SMIM13: variants seen among roughly 807,000 people sequenced by gnomAD.
SMIM13 encodes small integral membrane protein 13, also known as UPF0766 protein C6orf228.
In SMIM13, 3 loss-of-function variants were observed where a neutral mutation model predicts 5.9. The observed-to-expected ratio is 0.51, with a 90% confidence interval of 0.23 to 1.31. The LOEUF is 1.31. Among genes scored for constraint, SMIM13 ranks in the 40% most tolerant of loss-of-function variants. The pLI is 0.18. For synonymous variants in SMIM13, 55 were observed against 46.0 expected (o/e 1.19, Z -0.79); for missense variants, 85 against 109.9 (o/e 0.77, Z 1.01).
chr6:11,109,185 A>G (rs1758134375), intron 1 of SMIM13, among the ~76,000 whole-genome samples: 1 of 152,230 alleles, frequency 6.6e-6, no homozygotes, highest in South Asian at 2.1e-4. Context: ...TTGCCCTAGT[A>G]TGACTGAGAG....
At chr6:11,127,942 G>A (rs1235151362) in intron 1 of SMIM13, among the ~76,000 whole-genome samples, 1 of 152,156 alleles carries the variant, frequency 6.6e-6, no homozygotes, top group East Asian at 1.9e-4. Flanking sequence ...CCCAGAGCAG[G>A]TCCAGAAATG....
chr6:11,096,987 G>A (rs748329362), intron 1 of SMIM13, among the ~76,000 whole-genome samples: 2 of 151,690 alleles, frequency 1.3e-5, no homozygotes, highest in African/African-American at 2.4e-5. Flanking sequence ...CACAGTGCCC[G>A]TCCCCAGTGC....
intron 1 of SMIM13, chr6:11,104,663 C>A (rs768360608): frequency 1.2e-6 from 2 of 1,614,080 alleles, no homozygotes; most frequent in Non-Finnish European, 1.7e-6. Flanking sequence ...TGGAAATTTG[C>A]AGACATTGGT....
chr6:11,099,243 C>T (rs7775543), intron 1 of SMIM13, among the ~76,000 whole-genome samples: 26,691 of 151,978 alleles, frequency 0.18, 2,589 homozygotes, highest in East Asian at 0.38. Flanking sequence ...GGCGCGATCT[C>T]GGCTCACTGC....
chr6:11,131,312 T>C (rs1758447477), intron 1 of SMIM13, among the ~76,000 whole-genome samples: 1 of 152,086 alleles, frequency 6.6e-6, no homozygotes, highest in Non-Finnish European at 1.5e-5. Context: ...ATTTGGTAAG[T>C]ACAGAGAAAT....
At chr6:11,118,165 A>G (rs1435762936) in intron 1 of SMIM13, among the ~76,000 whole-genome samples, 1 of 100,626 alleles carries the variant, frequency 9.9e-6, no homozygotes, top group Non-Finnish European at 2.1e-5. Flanking sequence ...ACCACCACCT[A>G]TGGCCAGTAT....
intron 1 of SMIM13, among the ~76,000 whole-genome samples, chr6:11,119,593 G>T (rs1041491867): frequency 2.6e-5 from 4 of 152,070 alleles, no homozygotes; most frequent in Non-Finnish European, 5.9e-5. Flanking sequence ...GGCGGAGCTT[G>T]CAGTGAGCCC....
chr6:11,095,042 ATT>A (rs1334667492), intron 1 of SMIM13, among the ~76,000 whole-genome samples: 2 of 152,182 alleles, frequency 1.3e-5, no homozygotes, highest in African/African-American at 4.8e-5. Context: ...TGGTAGCCCA[ATT>A]TTAGATCTTT....
At chr6:11,126,825 A>G (rs1208550070) in intron 1 of SMIM13, among the ~76,000 whole-genome samples, 1 of 152,128 alleles carries the variant, frequency 6.6e-6, no homozygotes, top group Non-Finnish European at 1.5e-5. Context: ...GTCTTTGTTC[A>G]CTGTAGCCAT....
At chr6:11,103,304 C>A (rs13214666) in intron 1 of SMIM13, 37,053 of 182,162 alleles carry the variant, frequency 0.2, 4,237 homozygotes, top group African/African-American at 0.3. Context: ...GGGAGGCCAT[C>A]GTTCCCTGGC....
Position 11,136,867 on chromosome 6 carries a change from C to A in SMIM13, c.*2265C>A, listed in dbSNP as rs543718459. ...AAACTTTTGGGGGCATTATTTGGTACTGGGAGGATATTTAAATTAGATTTT... is the reference window on the plus strand; with the variant it reads ...AAACTTTTGGGGGCATTATTTGGTAATGGGAGGATATTTAAATTAGATTTT... On this transcript the variant is annotated 3_prime_UTR_variant, in exon 2 of 2. Transcript: ENST00000416247. 6.6e-6 allele frequency: 1 copy of A among 151,848 alleles called. No individual in the cohort carries two copies. The highest frequency in any genetic ancestry group is 1.9e-4 in the East Asian group (1 of 5,162). The allele number at this position is 151,848 out of a possible 1,614,324, so 9.4% of individuals were successfully genotyped here. A position where few individuals can be genotyped will look rare whatever the true frequency, so the allele number is the denominator to read the frequency against.
intron 1 of SMIM13, among the ~76,000 whole-genome samples, chr6:11,119,377 G>A (rs553503677): frequency 6.0e-4 from 91 of 152,192 alleles, no homozygotes; most frequent in African/African-American, 2.2e-3. Flanking sequence ...TCCTCGGGCC[G>A]GGCTCGGTGG....
chr6:11,104,478 G>A, intron 1 of SMIM13: 1 of 1,553,040 alleles, frequency 6.4e-7, no homozygotes, highest in Non-Finnish European at 8.7e-7. Flanking sequence ...GGTGAGGGAG[G>A]TTCCAAAAAA....
intron 1 of SMIM13, among the ~76,000 whole-genome samples, chr6:11,114,522 A>G (rs7746833): frequency 0.17 from 24,787 of 143,420 alleles, 2,431 homozygotes; most frequent in East Asian, 0.4. Flanking sequence ...TTTTTTTTTA[A>G]ATCAGGAGTG....
chr6:11,117,325 G>A (rs1220208891), intron 1 of SMIM13, among the ~76,000 whole-genome samples: 1 of 130,614 alleles, frequency 7.7e-6, no homozygotes, highest in African/African-American at 3.0e-5. Context: ...CACTACGCCC[G>A]GCTAATTTTT....
Position 11,136,492 on chromosome 6 carries a change from T to C in SMIM13, c.*1890T>C, listed in dbSNP as rs751383377. ...ACCTCTATTTTATGATGGTGTGTTA[T>C]TATGTTTGATACCTCATACTTCTTG... On this transcript the variant is annotated 3_prime_UTR_variant, in exon 2 of 2. Coordinates refer to ENST00000416247, the MANE Select transcript of SMIM13 (RefSeq NM_001135575.2). 6 of 152,214 alleles carry C rather than the reference T, an allele frequency of 3.9e-5. No homozygotes were observed. The highest frequency in any genetic ancestry group is 8.8e-5 in the Non-Finnish European group (6 of 68,042). 9.4% of individuals were successfully genotyped at this position (152,214 alleles called of 1,614,324 possible). A position where few individuals can be genotyped will look rare whatever the true frequency, so the allele number is the denominator to read the frequency against.
chr6:11,127,884 T>G (rs1758398684), intron 1 of SMIM13, among the ~76,000 whole-genome samples: 1 of 152,134 alleles, frequency 6.6e-6, no homozygotes, highest in Admixed American at 6.5e-5. Context: ...TTGTGGTGAA[T>G]GCTGTCAGGA....
At chr6:11,104,031 T>A in intron 1 of SMIM13, 1 of 1,551,738 alleles carries the variant, frequency 6.4e-7, no homozygotes, top group Non-Finnish European at 8.7e-7. Context: ...AATTCCTCCC[T>A]GTGCTGCCGT....
chr6:11,128,455 C>G (rs1373066239), intron 1 of SMIM13, among the ~76,000 whole-genome samples: 1 of 152,140 alleles, frequency 6.6e-6, no homozygotes, highest in Non-Finnish European at 1.5e-5. Flanking sequence ...GAAGAAGTGT[C>G]TCCCCGACCT....
Sources: allele counts gnomAD v4.1 joint callset (sites outside exome capture counted in the v4.1 genomes callset), GRCh38; gene constraint gnomAD v4.1.1; transcripts MANE v1.5; gene names NCBI Gene and HGNC (gene_info 2026-07-23, HGNC 2026-07-21).